The following PEAK1 variants were observed in gnomAD, a reference collection of about 807,000 sequenced individuals.
PEAK1 encodes pseudopodium enriched atypical kinase 1, also known as inactive tyrosine-protein kinase PEAK1.
PEAK1 carries 54 observed loss-of-function variants against 124.7 expected under a neutral mutation model. The ratio of observed to expected loss-of-function variants is 0.43; its 90% CI spans 0.35 to 0.54. The LOEUF (loss-of-function observed/expected upper bound fraction) is 0.54, where lower values mean the gene tolerates loss of function less well. Ranked by LOEUF, PEAK1 falls within the 20% of genes least tolerant of loss-of-function variation. The probability of loss-of-function intolerance (pLI) is 0.01; values close to 1 mark genes in which losing one functional copy is unlikely to be tolerated. For synonymous variants in PEAK1, 719 were observed against 760.0 expected, an observed-to-expected ratio of 0.95 and a Z score of 0.89; for missense variants, 2,046 against 2,134.5, an observed-to-expected ratio of 0.96 and a Z score of 0.82.
intron 5 of PEAK1, among the ~76,000 whole-genome samples, chr15:77,262,988 T>C (rs1407306971): frequency 6.6e-6 from 1 of 152,134 alleles, no homozygotes; most frequent in Non-Finnish European, 1.5e-5. Flanking sequence ...CTGAACAACC[T>C]GCTCCTGAAT....
intron 6 of PEAK1, among the ~76,000 whole-genome samples, chr15:77,245,841 C>T (rs1234250750): frequency 6.6e-6 from 1 of 152,120 alleles, no homozygotes; most frequent in Non-Finnish European, 1.5e-5. Context: ...ACCCTTTTAA[C>T]GACAATATAC....
chr15:77,326,278 A>C (rs894553818), intron 2 of PEAK1, among the ~76,000 whole-genome samples: 11 of 152,198 alleles, frequency 7.2e-5, no homozygotes, highest in African/African-American at 2.7e-4. Flanking sequence ...ATGCTCAAAA[A>C]CATCAATAAA....
At chr15:77,168,741 G>C (rs902431554) in intron 7 of PEAK1, among the ~76,000 whole-genome samples, 1 of 152,208 alleles carries the variant, frequency 6.6e-6, no homozygotes, top group Non-Finnish European at 1.5e-5. Flanking sequence ...GGTTGATACA[G>C]ATGCATAGCA....
intron 1 of PEAK1, chr15:77,419,333 C>A: frequency 1.0e-6 from 1 of 985,294 alleles, no homozygotes; most frequent in African/African-American, 1.7e-5. Context: ...GTTCAGACGG[C>A]AAGTCCCCAT....
At chr15:77,177,106 G>A (rs1052535298) in intron 7 of PEAK1, among the ~76,000 whole-genome samples, 26 of 152,052 alleles carry the variant, frequency 1.7e-4, no homozygotes, top group Non-Finnish European at 2.9e-5. Flanking sequence ...ACAGGCACCT[G>A]CCACCACACC....
In PEAK1 at chr15:77,133,610, T is replaced by A; in HGVS notation, c.3472A>T (p.Lys1158Ter). 6.2e-7 allele frequency: 1 copy of A among 1,614,188 alleles called. No homozygotes were observed. Among genetic ancestry groups the A allele is most frequent in the Non-Finnish European group, 8.5e-7 (1 of 1,180,028 alleles). The change falls in exon 9 of 10, where the codon AAG (lysine) becomes TAG (stop). Residue 1158 changes from lysine to a stop codon, truncating the protein, a stop_gained. Transcript: ENST00000682557. LOFTEE classifies it high-confidence loss of function. This position sits in a 1 kb window ranked among gnomAD's most constrained non-coding sequence, Gnocchi z 4.2. Reference sequence around the variant, plus strand: ...TCTGTATTGGCTCTTATGATCATCTTCTTTGGCAGTGGGGGTGGTGTAGGT... The same window carrying A: ...TCTGTATTGGCTCTTATGATCATCTACTTTGGCAGTGGGGGTGGTGTAGGT... Reference protein sequence around the residue: ...SQPTPPPLPKKMIIRANTEPI... With the variant: ...SQPTPPPLPK
At chr15:77,325,894 G>A (rs1160094601) in intron 2 of PEAK1, among the ~76,000 whole-genome samples, 1 of 151,884 alleles carries the variant, frequency 6.6e-6, no homozygotes, top group Admixed American at 6.6e-5. Flanking sequence ...GTTAAAGTTG[G>A]AGAATGGACT....
intron 5 of PEAK1, among the ~76,000 whole-genome samples, chr15:77,262,716 T>C (rs1317020029): frequency 6.6e-6 from 1 of 151,034 alleles, no homozygotes; most frequent in African/African-American, 2.4e-5. Flanking sequence ...TTAACAAGGA[T>C]ACGCAGGAAT....
chr15:77,247,485 C>CTTTTTTTTTTTTT (rs398028029), intron 6 of PEAK1, among the ~76,000 whole-genome samples: 81 of 84,300 alleles, frequency 9.6e-4, no homozygotes, highest in African/African-American at 1.6e-3. Context: ...CTTTTCTTTT[C>CTTTTTTTTTTTTT]TTTTTTTTTT....
At chr15:77,332,817 C>G (rs2065973918) in intron 2 of PEAK1, among the ~76,000 whole-genome samples, 1 of 151,364 alleles carries the variant, frequency 6.6e-6, no homozygotes, top group African/African-American at 2.4e-5. Context: ...GGATGCTTTC[C>G]CACATTTATC....
At chr15:77,244,102 C>T (rs2060474734) in intron 6 of PEAK1, among the ~76,000 whole-genome samples, 1 of 152,108 alleles carries the variant, frequency 6.6e-6, no homozygotes, top group African/African-American at 2.4e-5. Flanking sequence ...ATCTTTCATT[C>T]CTACAGAGTT....
At chr15:77,339,360 C>A (rs779058796) in intron 2 of PEAK1, among the ~76,000 whole-genome samples, 1 of 151,902 alleles carries the variant, frequency 6.6e-6, no homozygotes, top group Non-Finnish European at 1.5e-5. Context: ...GCCTTAGCCT[C>A]CCTAAAAGTA....
chr15:77,216,884 C>T (rs573246679), intron 6 of PEAK1, among the ~76,000 whole-genome samples: 2 of 152,066 alleles, frequency 1.3e-5, no homozygotes, highest in Non-Finnish European at 2.9e-5. Flanking sequence ...GATCCTGAAG[C>T]GTTTCTTCGA....
At chr15:77,151,583 C>G (rs2054628505) in intron 8 of PEAK1, among the ~76,000 whole-genome samples, 1 of 152,134 alleles carries the variant, frequency 6.6e-6, no homozygotes, top group Non-Finnish European at 1.5e-5. Context: ...GAAGTCCTTA[C>G]CCATGCCTAT....
chr15:77,247,485 C>CTTTTTTTTTTTTTTTTTTTT (rs398028029), intron 6 of PEAK1, among the ~76,000 whole-genome samples: 237 of 84,292 alleles, frequency 2.8e-3, no homozygotes, highest in Non-Finnish European at 3.2e-3. Context: ...CTTTTCTTTT[C>CTTTTTTTTTTTTTTTTTTTT]TTTTTTTTTT....
chr15:77,158,486 T>A lies in PEAK1; in HGVS notation c.3331+17A>T, dbSNP rs1462920516. On this transcript the variant is annotated intron_variant, in intron 8 of 9. Coordinates refer to ENST00000682557, the MANE Select transcript of PEAK1 (RefSeq NM_001385026.1). ...AAGGCAAAGTTTAAATACTACTTATTGGACATTTGCACTTACCTAAGTTGC... is the reference window on the plus strand; with the variant it reads ...AAGGCAAAGTTTAAATACTACTTATAGGACATTTGCACTTACCTAAGTTGC... The A allele has an allele frequency of 6.2e-7, 1 of 1,608,142 alleles. No individual in the cohort carries two copies. Among genetic ancestry groups the A allele is most frequent in the Non-Finnish European group, 8.5e-7 (1 of 1,174,746 alleles).
chr15:77,166,176 C>A (rs546681412), intron 7 of PEAK1, among the ~76,000 whole-genome samples: 126 of 152,296 alleles, frequency 8.3e-4, no homozygotes, highest in Non-Finnish European at 1.5e-3. Flanking sequence ...ATTGAAGCTG[C>A]TCTAGCTATA....
chr15:77,338,651 A>AT (rs2066351443), intron 2 of PEAK1, among the ~76,000 whole-genome samples: 2 of 148,738 alleles, frequency 1.3e-5, no homozygotes, highest in Non-Finnish European at 3.0e-5. Flanking sequence ...AAAAATATAT[A>AT]TATATATATA....
intron 9 of PEAK1, among the ~76,000 whole-genome samples, chr15:77,121,389 G>A (rs545127561): frequency 2.0e-5 from 3 of 152,266 alleles, no homozygotes; most frequent in Middle Eastern, 3.4e-3. Context: ...TTATTTACTC[G>A]GAACAGGTAG....
Sources: gnomAD v4.1 joint callset for allele counts (sites outside exome capture counted in the v4.1 genomes callset) on GRCh38, gnomAD v4.1.1 for gene constraint, Gnocchi (gnomAD v3.1) non-coding constraint, MANE v1.5 for transcripts, NCBI Gene and HGNC (gene_info 2026-07-23, HGNC 2026-07-21) for gene names.